FAAP100: variants seen among roughly 807,000 people sequenced by gnomAD.
FAAP100 encodes the protein FA core complex associated protein 100, also known as Fanconi anemia core complex-associated protein 100.
A neutral mutation model predicts 65.8 loss-of-function variants in FAAP100; 46 were observed. The observed-to-expected ratio is 0.70, with a 90% confidence interval of 0.55 to 0.89. The LOEUF is 0.89. FAAP100 is among the 40% of genes least tolerant of loss of function. FAAP100 has a pLI of 0.00. For missense variants in FAAP100, 1,165 were observed against 1,196.7 expected (o/e 0.97, Z 0.39); for synonymous variants, 663 against 555.1 (o/e 1.19, Z -2.73).
chr17:81,549,487 G>A (rs2033419200), intron 3 of FAAP100, 125 bp from the exon 4 acceptor site: 3 of 1,247,240 alleles, frequency 2.4e-6, no homozygotes, highest in South Asian at 3.0e-5. Flanking sequence ...GTCCAGTGAG[G>A]AAGAGAAAGT....
intron 7 of FAAP100, among the ~76,000 whole-genome samples, chr17:81,542,058 T>C (rs894507231): frequency 2.0e-5 from 3 of 147,344 alleles, no homozygotes; most frequent in Middle Eastern, 3.6e-3. Flanking sequence ...TCCCAGCTAC[T>C]TGGGAGGCTG....
intron 3 of FAAP100, among the ~76,000 whole-genome samples, chr17:81,549,840 C>T (rs1004034508): frequency 6.6e-6 from 1 of 152,212 alleles, no homozygotes; most frequent in Admixed American, 6.5e-5. Context: ...AGCAGACTCA[C>T]GGGCAAGCCA....
chr17:81,552,563 G>A (rs2033539875), upstream of FAAP100, among the ~76,000 whole-genome samples: 1 of 152,168 alleles, frequency 6.6e-6, no homozygotes, highest in South Asian at 2.1e-4. Context: ...GCCGCAGGTC[G>A]AGGTTGACCC....
upstream of FAAP100, chr17:81,552,442 G>T: frequency 9.6e-7 from 1 of 1,045,650 alleles, no homozygotes; most frequent in Non-Finnish European, 1.2e-6. Flanking sequence ...TAAAGCGGTC[G>T]GCGGTGCCGG....
rs533598193 is a variant in FAAP100, at chr17:81,540,586, C to T, written c.*233G>A. On this transcript the variant is annotated 3_prime_UTR_variant, in exon 9 of 9. Coordinates refer to ENST00000327787, the MANE Select transcript of FAAP100 (RefSeq NM_025161.6). ...GAAGGAGAGACACCAGCAGAGGACG[C>T]GAAGCTGGACCGGCCAGGTTCAGAG... 10 of 512,944 alleles carry T rather than the reference C, an allele frequency of 1.9e-5. No homozygotes were observed. The highest frequency in any genetic ancestry group is 8.8e-5 in the South Asian group (2 of 22,678). The allele number at this position is 512,944 out of a possible 1,614,324, so 31.8% of individuals were successfully genotyped here.
rs2033405068 is a variant in FAAP100, at chr17:81,549,059, A to G, written c.1403+147T>C. On this transcript the variant is annotated intron_variant, in intron 4 of 8. Coordinates refer to ENST00000327787, the MANE Select transcript of FAAP100 (RefSeq NM_025161.6). ...CGTCTCAGAAAAAAAAAAAAAAAAAAAAAAAAAAAAAAAAGAGGCCAAGTA... is the reference window on the plus strand; with the variant it reads ...CGTCTCAGAAAAAAAAAAAAAAAAAGAAAAAAAAAAAAAAGAGGCCAAGTA... 3.1e-5 allele frequency: 23 copies of G among 740,564 alleles called. No individual in the cohort carries two copies. The South Asian group carries it at 5.0e-4, about 16-fold the overall frequency. The allele number at this position is 740,564 out of a possible 1,614,324, so 45.9% of individuals were successfully genotyped here.
At chr17:81,551,674 G>A in intron 2 of FAAP100, 1 of 1,314,414 alleles carries the variant, frequency 7.6e-7, no homozygotes, top group Non-Finnish European at 9.7e-7. Flanking sequence ...GGCCACCAGG[G>A]CCCAAAGGAC....
At chr17:81,552,833 C>A (rs1400715986), upstream of FAAP100, among the ~76,000 whole-genome samples, 2 of 149,390 alleles carry the variant, frequency 1.3e-5, no homozygotes, top group African/African-American at 4.9e-5. Context: ...AGGGATGGGT[C>A]TCTGCCCTGT....
chr17:81,545,650 CCCACCCAGGGTGAGGGGT>C, intron 6 of FAAP100, 78 bp downstream of exon 6: 1 of 1,451,014 alleles, frequency 6.9e-7, no homozygotes, highest in African/African-American at 1.4e-5. Flanking sequence ...CTGCCAGGCC[CCCACCCAGGGTGAGGGGT>C]CCTCCCGAGC....
Position 81,550,868 on chromosome 17 carries a change from T to C in FAAP100, c.626A>G (p.His209Arg), listed in dbSNP as rs369228532. The C allele has an allele frequency of 5.6e-6, 9 of 1,612,156 alleles. No individual in the cohort carries two copies. The African/African-American group carries it at 1.2e-4, about 22-fold the overall frequency. The change falls in exon 3 of 9, where the codon CAC (histidine) becomes CGC (arginine). Residue 209 changes from histidine (H) to arginine (R), a missense_variant. Coordinates refer to ENST00000327787, the MANE Select transcript of FAAP100 (RefSeq NM_025161.6). Reference protein sequence around the residue: ...SVSPSGSRVPHDLLGGSGGFT... With the variant: ...SVSPSGSRVPRDLLGGSGGFT... ...GCCCCCGGAGCCCCCGAGGAGGTCG[T>C]GCGGGACCCTGGAGCCTGATGGTGA...
rs766943366 is a variant in FAAP100, at chr17:81,541,290, C to T, written c.2514+19G>A. On this transcript the variant is annotated intron_variant, in intron 8 of 8. Transcript: ENST00000327787. ...GGCTACCCAGGGGAAGGGGACTGCC[C>T]GGGGAACCGGGTGCTCACCTCGTGG... 2.9e-5 allele frequency: 47 copies of T among 1,603,654 alleles called. No individual in the cohort carries two copies. The highest frequency in any genetic ancestry group is 1.9e-4 in the Admixed American group (11 of 59,442).
intron 6 of FAAP100, 125 bp from the exon 7 acceptor site, chr17:81,544,245 C>T (rs749910448): frequency 2.8e-6 from 2 of 715,104 alleles, no homozygotes; most frequent in Non-Finnish European, 4.7e-6. Flanking sequence ...AACCCCCTGC[C>T]CTGGGCTGTC....
intron 5 of FAAP100, chr17:81,546,489 T>G (rs1191048258): frequency 6.0e-6 from 1 of 166,728 alleles, no homozygotes; most frequent in African/African-American, 2.4e-5. Context: ...TGCTCCTTTG[T>G]GACTCTTCTG....
In FAAP100 at chr17:81,541,320, C is replaced by T. The variant is rs768785790; in HGVS notation, c.2503G>A (p.Ala835Thr). Residue 835 changes from alanine (A) to threonine (T), a missense_variant, in exon 8 of 9, where the codon GCC (alanine) becomes ACC (threonine). By Grantham distance (58) the Ala-to-Thr change is moderately conservative (BLOSUM62 0). Transcript: ENST00000327787. ...AACCGGGTGCTCACCTCGTGGTTGG[C>T]GTGGATCTGGCGGAGGTACTGCACA... Reference protein sequence around the residue: ...LRVQYLRQIHANHETLLREVQ... With the variant: ...LRVQYLRQIHTNHETLLREVQ... The T allele has an allele frequency of 5.2e-5, 83 of 1,611,326 alleles. No individual in the cohort carries two copies. Among genetic ancestry groups the T allele is most frequent in the South Asian group, 9.9e-5 (9 of 90,710 alleles).
intron 3 of FAAP100, among the ~76,000 whole-genome samples, chr17:81,549,724 A>G (rs1169243195): frequency 6.6e-6 from 1 of 152,162 alleles, no homozygotes; most frequent in Non-Finnish European, 1.5e-5. Flanking sequence ...GTGTGGCTCT[A>G]TTCCTCTCAC....
At chr17:81,549,939 C>G (rs1227374756) in intron 3 of FAAP100, among the ~76,000 whole-genome samples, 1 of 152,172 alleles carries the variant, frequency 6.6e-6, no homozygotes, top group Admixed American at 6.5e-5. Context: ...ATAAGACCTG[C>G]CCAGGAGGCG....
At chr17:81,548,717 C>T (rs544786648) in intron 4 of FAAP100, among the ~76,000 whole-genome samples, 410 of 148,978 alleles carry the variant, frequency 2.8e-3, no homozygotes, top group African/African-American at 9.1e-3. Flanking sequence ...CCAGCCTGGG[C>T]GACAGAGTGA....
chr17:81,551,517 C>A (rs1239165756), intron 2 of FAAP100, among the ~76,000 whole-genome samples: 1 of 152,264 alleles, frequency 6.6e-6, no homozygotes, highest in Non-Finnish European at 1.5e-5. Flanking sequence ...TGGCTCTGCA[C>A]TGAAGACAGG....
intron 7 of FAAP100, 67 bp downstream of exon 7, chr17:81,543,937 G>T: frequency 7.0e-7 from 1 of 1,434,870 alleles, no homozygotes; most frequent in Admixed American, 1.8e-5. Context: ...CAGCTACAGG[G>T]TCCCATGCAG....
Sources: gnomAD v4.1 joint callset for allele counts (sites outside exome capture counted in the v4.1 genomes callset) on GRCh38, gnomAD v4.1.1 for gene constraint, MANE v1.5 for transcripts, NCBI Gene and HGNC (gene_info 2026-07-23, HGNC 2026-07-21) for gene names.